ZFAND3: variants seen among roughly 807,000 people sequenced by gnomAD.
The protein encoded by ZFAND3 is zinc finger AN1-type containing 3.
Under a neutral mutation model 29.6 loss-of-function variants are expected in ZFAND3, and 10 were observed. That is an observed-to-expected ratio of 0.34 (90% CI 0.21 to 0.57). The LOEUF (loss-of-function observed/expected upper bound fraction) is 0.57. Ranked by LOEUF, ZFAND3 falls within the 20% of genes least tolerant of loss-of-function variation. ZFAND3 has a pLI of 0.86. For missense variants in ZFAND3, 230 were observed against 304.5 expected, an observed-to-expected ratio of 0.76 and a Z score of 1.82; for synonymous variants, 128 against 112.6, an observed-to-expected ratio of 1.14 and a Z score of -0.87.
intron 2 of ZFAND3, among the ~76,000 whole-genome samples, chr6:38,057,111 C>T (rs1337643148): frequency 6.6e-6 from 1 of 152,106 alleles, no homozygotes; most frequent in Non-Finnish European, 1.5e-5. Flanking sequence ...CTAGTTTTCT[C>T]ATTTATATGA....
At position 38,154,445 on chromosome 6, in the gene ZFAND3, C is replaced by T. The variant is rs947483256; in HGVS notation, c.*2056C>T. The stretch of plus-strand genomic sequence containing the variant: ...TGAAGTTTGTTAAATGTAAGGAAAG[C>T]TTAAATTCTTGTATCTTTAAAAGAG... On this transcript the variant is annotated 3_prime_UTR_variant, in exon 6 of 6. Transcript: ENST00000287218. 9 of 985,652 alleles carry T rather than the reference C, an allele frequency of 9.1e-6. No homozygotes were observed. In the African/African-American group the frequency reaches 1.6e-4, roughly 17 times the overall value. 61.1% of individuals were successfully genotyped at this position (985,652 alleles called of 1,614,324 possible).
intron 2 of ZFAND3, among the ~76,000 whole-genome samples, chr6:37,983,343 C>CTTTTTTTTTTTTTTTTTTTT (rs70981516): frequency 1.2e-4 from 6 of 50,046 alleles, no homozygotes; most frequent in African/African-American, 3.2e-4. Flanking sequence ...CAGTTTTTAT[C>CTTTTTTTTTTTTTTTTTTTT]TTTTTTTTTT....
At chr6:37,966,333 G>T (rs968421119) in intron 2 of ZFAND3, among the ~76,000 whole-genome samples, 7 of 152,166 alleles carry the variant, frequency 4.6e-5, no homozygotes, top group African/African-American at 1.7e-4. Context: ...TACAGTACCA[G>T]ATTTTATTTT....
chr6:38,119,243 C>G (rs1267783315), intron 5 of ZFAND3, among the ~76,000 whole-genome samples: 1 of 152,126 alleles, frequency 6.6e-6, no homozygotes, highest in Non-Finnish European at 1.5e-5. Flanking sequence ...GCTTGGATCT[C>G]TCTAGGAAAG....
At position 38,061,731 on chromosome 6, in the gene ZFAND3, C is replaced by T. The variant is rs755972197; in HGVS notation, c.251C>T (p.Pro84Leu). The change falls in exon 3 of 6, where the codon CCG (proline) becomes CTG (leucine). Residue 84 changes from proline (P) to leucine (L), a missense_variant. Pro to Leu is a moderately conservative substitution (Grantham distance 98). Transcript: ENST00000287218. ...CCAACTCTTAGTCCCAGCCAGCAGC[C>T]GCTTCCGACAGAACTGAATGTAACT... is the stretch of plus-strand genomic sequence containing the variant. ...TTPTLSPSQQ[P>L]LPTELNVTSP... The T allele has an allele frequency of 1.3e-5, 21 of 1,614,110 alleles. No individual in the cohort carries two copies. The highest frequency in any genetic ancestry group is 2.2e-5 in the East Asian group (1 of 44,868).
intron 2 of ZFAND3, among the ~76,000 whole-genome samples, chr6:38,043,763 T>C (rs1003901228): frequency 2.6e-5 from 4 of 151,988 alleles, no homozygotes; most frequent in African/African-American, 9.7e-5. Flanking sequence ...AGGTGCAGGC[T>C]CATGTCACCA....
In ZFAND3 at chr6:37,926,756, T is replaced by C. The variant is rs1581767558; in HGVS notation, c.72-3203T>C. Among the ~76,000 whole-genome samples the C allele has an allele frequency of 3.3e-5, 5 of 152,322 alleles. 1 individual carries two copies. In the South Asian group the frequency reaches 1.0e-3, roughly 32 times the overall value. On this transcript the variant is annotated intron_variant, in intron 1 of 5. Transcript: ENST00000287218. Reference sequence around the variant, plus strand: ...TTCACTGCTCCAGTGAAACTTTACCTTTCATGCTTACTGTCAAAAAGAGAG... The same window carrying C: ...TTCACTGCTCCAGTGAAACTTTACCCTTCATGCTTACTGTCAAAAAGAGAG...
At chr6:37,991,512 C>T (rs1762758589) in intron 2 of ZFAND3, among the ~76,000 whole-genome samples, 1 of 152,064 alleles carries the variant, frequency 6.6e-6, no homozygotes, top group Non-Finnish European at 1.5e-5. Context: ...GCCACTACAC[C>T]TGGCTAATTT....
intron 1 of ZFAND3, among the ~76,000 whole-genome samples, chr6:37,855,880 A>G (rs185664273): frequency 1.6e-4 from 24 of 152,336 alleles, no homozygotes; most frequent in Non-Finnish European, 2.9e-5. Flanking sequence ...TTAATAATTC[A>G]GGCATAATAT....
At chr6:38,050,115 TG>T (rs1763997311) in intron 2 of ZFAND3, among the ~76,000 whole-genome samples, 1 of 151,500 alleles carries the variant, frequency 6.6e-6, no homozygotes, top group South Asian at 2.1e-4. Flanking sequence ...TCACCACGCC[TG>T]GCTGATTTTT....
intron 1 of ZFAND3, among the ~76,000 whole-genome samples, chr6:37,890,279 G>T (rs1270193096): frequency 6.6e-6 from 1 of 152,126 alleles, no homozygotes; most frequent in Non-Finnish European, 1.5e-5. Context: ...TAGCACTTCA[G>T]TTTGAGTCCC....
chr6:38,106,331 T>C (rs72852580), intron 4 of ZFAND3, among the ~76,000 whole-genome samples: 2,759 of 152,184 alleles, frequency 0.018, 42 homozygotes, highest in South Asian at 0.06. Context: ...TTTGTATTTT[T>C]AGTAGAGATA....
chr6:37,964,535 C>T (rs908676501), intron 2 of ZFAND3, among the ~76,000 whole-genome samples: 1 of 152,200 alleles, frequency 6.6e-6, no homozygotes, highest in African/African-American at 2.4e-5. Context: ...GACAGCCAGC[C>T]ATCTTTGATT....
intron 1 of ZFAND3, among the ~76,000 whole-genome samples, chr6:37,841,739 C>T (rs1236584196): frequency 3.9e-5 from 6 of 152,122 alleles, no homozygotes; most frequent in Admixed American, 1.3e-4. Context: ...AGCCTCGGCC[C>T]CCCAAAGCGC....
intron 5 of ZFAND3, among the ~76,000 whole-genome samples, chr6:38,127,115 C>T (rs1765650093): frequency 6.6e-6 from 1 of 152,144 alleles, no homozygotes; most frequent in Admixed American, 6.5e-5. Context: ...CCTTATTGCA[C>T]CTCCAGCATA....
chr6:38,095,966 G>A (rs908791470), intron 4 of ZFAND3, among the ~76,000 whole-genome samples: 3 of 151,962 alleles, frequency 2.0e-5, no homozygotes, highest in African/African-American at 2.4e-5. Flanking sequence ...CCAGGAGGTC[G>A]TGGCTACAGC....
At chr6:37,872,661 G>T (rs531249965) in intron 1 of ZFAND3, among the ~76,000 whole-genome samples, 1 of 151,968 alleles carries the variant, frequency 6.6e-6, no homozygotes, top group Non-Finnish European at 1.5e-5. Flanking sequence ...CTTTTTGTTT[G>T]GCTTTCATCT....
chr6:37,825,970 A>C (rs1006101874), intron 1 of ZFAND3, among the ~76,000 whole-genome samples: 1 of 152,196 alleles, frequency 6.6e-6, no homozygotes, highest in Non-Finnish European at 1.5e-5. Context: ...AATTCTTGCA[A>C]TAATCACAGA....
At chr6:37,876,264 T>G (rs1764790965) in intron 1 of ZFAND3, among the ~76,000 whole-genome samples, 1 of 152,222 alleles carries the variant, frequency 6.6e-6, no homozygotes, top group South Asian at 2.1e-4. Context: ...TTGACAACTT[T>G]TAGAATCCCG....
Sources: allele counts gnomAD v4.1 joint callset (sites outside exome capture counted in the v4.1 genomes callset), GRCh38; gene constraint gnomAD v4.1.1; transcripts MANE v1.5; gene names NCBI Gene and HGNC (gene_info 2026-07-23, HGNC 2026-07-21).